The following MAOB variants were observed in gnomAD, a reference collection of about 807,000 sequenced individuals.
The protein encoded by MAOB is monoamine oxidase B.
A neutral mutation model predicts 41.9 loss-of-function variants in MAOB; 15 were observed. The observed-to-expected ratio is 0.36, with a 90% CI of 0.24 to 0.55. MAOB has a LOEUF of 0.55. MAOB is among the 20% of genes least tolerant of loss of function. MAOB has a pLI of 0.86. For synonymous variants in MAOB, 167 were observed against 144.2 expected, an observed-to-expected ratio of 1.16 and a Z score of -1.13; for missense variants, 345 against 398.7, an observed-to-expected ratio of 0.87 and a Z score of 1.15.
At chrX:43,850,474 T>G (rs983933999) in intron 1 of MAOB, 4 of 751,631 alleles carry the variant, frequency 5.3e-6, no homozygotes, top group Non-Finnish European at 6.3e-6. Flanking sequence ...TCCTCCTCCT[T>G]AAGTTCAAAC....
intron 1 of MAOB, among the ~76,000 whole-genome samples, chrX:43,854,797 A>C (rs1462775590): frequency 8.9e-6 from 1 of 111,795 alleles, no homozygotes; most frequent in Non-Finnish European, 1.9e-5. Flanking sequence ...CTAGAACTTA[A>C]GTGAGAAATA....
chrX:43,835,471 G>C (rs752672712), intron 3 of MAOB, among the ~76,000 whole-genome samples: 13 of 112,053 alleles, frequency 1.2e-4, no homozygotes, highest in African/African-American at 3.9e-4. Context: ...CTTTCTCACT[G>C]ATAATTAAAT....
intron 3 of MAOB, among the ~76,000 whole-genome samples, chrX:43,830,459 A>G (rs2035005274): frequency 8.9e-6 from 1 of 112,058 alleles, no homozygotes; most frequent in Non-Finnish European, 1.9e-5. Context: ...TAATACAGCC[A>G]GAAAAGATCA....
chrX:43,857,171 AG>A (rs2035303859), intron 1 of MAOB, among the ~76,000 whole-genome samples: 12 of 56,615 alleles, frequency 2.1e-4, no homozygotes, highest in Non-Finnish European at 2.8e-4. Flanking sequence ...AGAGAAGAAG[AG>A]AGAGAGAGAG....
At chrX:43,808,691 T>G (rs1266509571) in intron 3 of MAOB, among the ~76,000 whole-genome samples, 3 of 96,070 alleles carry the variant, frequency 3.1e-5, no homozygotes, top group African/African-American at 1.2e-4. Context: ...TATCTATATC[T>G]ACACATAGAC....
chrX:43,809,976 G>A (rs1416252837), intron 3 of MAOB, among the ~76,000 whole-genome samples: 1 of 101,567 alleles, frequency 9.8e-6, no homozygotes, highest in Non-Finnish European at 1.9e-5. Context: ...GGGCGCGGTG[G>A]CTCACGCCTG....
intron 3 of MAOB, among the ~76,000 whole-genome samples, chrX:43,813,374 G>A (rs963054788): frequency 1.8e-5 from 2 of 112,246 alleles, no homozygotes; most frequent in South Asian, 7.4e-4. Flanking sequence ...TTTGCATACT[G>A]CAGAAACTGA....
chrX:43,777,703 A>T (rs1387149189), intron 11 of MAOB, among the ~76,000 whole-genome samples: 1 of 111,796 alleles, frequency 8.9e-6, no homozygotes, highest in Non-Finnish European at 1.9e-5. Context: ...TACTACAGAG[A>T]CTTGGATTTA....
At chrX:43,770,133 T>G (rs933308949) in intron 12 of MAOB, among the ~76,000 whole-genome samples, 3 of 111,251 alleles carry the variant, frequency 2.7e-5, no homozygotes, top group African/African-American at 9.8e-5. Flanking sequence ...CTTTGGAGAT[T>G]GCCTCTGCTA....
intron 3 of MAOB, among the ~76,000 whole-genome samples, chrX:43,820,128 A>C (rs1440755339): frequency 8.9e-6 from 1 of 112,226 alleles, no homozygotes; most frequent in Admixed American, 9.4e-5. Flanking sequence ...AATCTTAAAC[A>C]AGTCTAAATA....
intron 3 of MAOB, among the ~76,000 whole-genome samples, chrX:43,819,002 TG>T (rs2034851337): frequency 9.0e-6 from 1 of 111,495 alleles, no homozygotes; most frequent in African/African-American, 3.3e-5. Context: ...TCATGGAAAG[TG>T]TAGTCAGCAG....
intron 3 of MAOB, among the ~76,000 whole-genome samples, chrX:43,832,212 C>T (rs1269921456): frequency 8.9e-6 from 1 of 111,785 alleles, no homozygotes; most frequent in African/African-American, 3.3e-5. Flanking sequence ...ATAAAGCATT[C>T]GTAAAACTGT....
In MAOB at chrX:43,768,701, C is replaced by A; in HGVS notation, c.1363G>T (p.Gly455Trp). The change falls in exon 14 of 15, where the codon GGG (glycine) becomes TGG (tryptophan). Residue 455 changes from glycine to tryptophan, a missense_variant. Transcript: ENST00000378069. Reference sequence around the variant, plus strand: ...CAGATTTCATCCTCTGGAATCTTCCCCATGGCATGCAGGATCTGAAATGAA... The same window carrying A: ...CAGATTTCATCCTCTGGAATCTTCCACATGGCATGCAGGATCTGAAATGAA... ...RAAREILHAM[G>W]KIPEDEIWQS... 8.3e-7 allele frequency: 1 copy of A among 1,208,742 alleles called. No individual in the cohort carries two copies. Among genetic ancestry groups the A allele is most frequent in the Non-Finnish European group, 1.1e-6 (1 of 893,011 alleles).
intron 3 of MAOB, among the ~76,000 whole-genome samples, chrX:43,832,207 G>A (rs2035026523): frequency 1.8e-5 from 2 of 111,727 alleles, no homozygotes; most frequent in African/African-American, 6.5e-5. Context: ...AAATGATAAA[G>A]CATTCGTAAA....
intron 3 of MAOB, among the ~76,000 whole-genome samples, chrX:43,835,924 T>TA (rs2035067715): frequency 8.9e-6 from 1 of 111,797 alleles, no homozygotes. Flanking sequence ...TATTTCCCAT[T>TA]ATCAGCCACA....
rs932586622 is a variant in MAOB, at chrX:43,769,819, A to G, written c.1236-401T>C. Among the ~76,000 whole-genome samples the G allele has an allele frequency of 4.5e-5, 5 of 110,433 alleles. No individual in the cohort carries two copies. In the East Asian group the frequency reaches 1.4e-3, roughly 32 times the overall value. On this transcript the variant is annotated intron_variant, in intron 12 of 14. Transcript: ENST00000378069. ...CACTAGTGAACTTGGCAAATCACTT[A>G]CTCTCACTGTGCTCTGGCTTCCTTG...
intron 12 of MAOB, among the ~76,000 whole-genome samples, chrX:43,770,142 TA>T (rs1007630318): frequency 9.0e-5 from 10 of 110,861 alleles, no homozygotes; most frequent in Non-Finnish European, 1.1e-4. Context: ...TTGCCTCTGC[TA>T]AAAAAAACTA....
chrX:43,873,674 T>C (rs1033181320), intron 1 of MAOB, among the ~76,000 whole-genome samples: 1 of 111,050 alleles, frequency 9.0e-6, no homozygotes, highest in East Asian at 2.8e-4. Flanking sequence ...TTTTGTTCGT[T>C]TTTGTTTGCT....
rs150624670 is a variant in MAOB, at chrX:43,842,485, C to G, written c.141+1185G>C. ...GGAATGTAAATCAGTACAGCTATTA[C>G]AGAAAACAGTATGGAGGTTCCTCAG... On this transcript the variant is annotated intron_variant, in intron 2 of 14. Coordinates refer to ENST00000378069, the MANE Select transcript of MAOB (RefSeq NM_000898.5). 3.5e-4 allele frequency among the ~76,000 whole-genome samples: 39 copies of G among 112,550 alleles called. No homozygotes were observed. The East Asian group carries it at 7.8e-3, about 23-fold the overall frequency.
Sources: allele counts gnomAD v4.1 joint callset (sites outside exome capture counted in the v4.1 genomes callset), GRCh38; gene constraint gnomAD v4.1.1; transcripts MANE v1.5; gene names NCBI Gene and HGNC (gene_info 2026-07-23, HGNC 2026-07-21).